The following SUGCT variants were observed in gnomAD, a reference collection of about 807,000 sequenced individuals.
SUGCT encodes succinyl-CoA:glutarate-CoA transferase, also known as succinyl-CoA:glutarate CoA-transferase.
A neutral mutation model predicts 55.0 loss-of-function variants in SUGCT; 41 were observed. The observed-to-expected ratio is 0.74, with a 90% CI of 0.58 to 0.97. SUGCT has a LOEUF of 0.97. Among genes scored for constraint, SUGCT ranks in the 50% least tolerant of loss-of-function variants. The probability of loss-of-function intolerance (pLI) is 0.00; values close to 1 mark genes in which losing one functional copy is unlikely to be tolerated. For missense variants in SUGCT, 568 were observed against 547.8 expected, an observed-to-expected ratio of 1.04 and a Z score of -0.37; for synonymous variants, 187 against 200.4, an observed-to-expected ratio of 0.93 and a Z score of 0.56.
intron 9 of SUGCT, among the ~76,000 whole-genome samples, chr7:40,360,480 G>T (rs1338637619): frequency 1.3e-5 from 2 of 152,116 alleles, no homozygotes; most frequent in African/African-American, 4.8e-5. Context: ...CAAGCGCTGG[G>T]TCTACAGTGA....
At chr7:41,017,768 C>T in the SUGCT span, among the ~76,000 whole-genome samples, 1 of 95,210 alleles carries the variant, frequency 1.1e-5, no homozygotes, top group African/African-American at 4.9e-5. Flanking sequence ...GAGAGTCCGT[C>T]TCAAAAAAAA....
intron 8 of SUGCT, among the ~76,000 whole-genome samples, chr7:40,277,710 T>C (rs1224606350): frequency 1.7e-5 from 1 of 59,464 alleles, no homozygotes; most frequent in Non-Finnish European, 3.7e-5. Flanking sequence ...TATTATACTT[T>C]AAGTTTTAGG....
chr7:40,146,948 CCTT>C (rs1355777186), intron 1 of SUGCT, among the ~76,000 whole-genome samples: 1 of 152,064 alleles, frequency 6.6e-6, no homozygotes, highest in Non-Finnish European at 1.5e-5. Flanking sequence ...CTATCTCTCT[CCTT>C]CTTTCTTCCT....
chr7:40,459,394 T>G (rs1466609637), intron 11 of SUGCT, among the ~76,000 whole-genome samples, 196 bp downstream of exon 11: 2 of 152,186 alleles, frequency 1.3e-5, no homozygotes, highest in East Asian at 3.8e-4. Flanking sequence ...TGAACACATT[T>G]TATGTTTTGT....
intron 9 of SUGCT, among the ~76,000 whole-genome samples, chr7:40,425,240 C>CT (rs1787528049): frequency 6.6e-6 from 1 of 152,072 alleles, no homozygotes; most frequent in South Asian, 2.1e-4. Flanking sequence ...TTAAATGTCT[C>CT]TAAGTGCATG....
At chr7:40,282,690 T>G (rs751407739) in intron 8 of SUGCT, among the ~76,000 whole-genome samples, 12 of 151,570 alleles carry the variant, frequency 7.9e-5, no homozygotes, top group Admixed American at 2.6e-4. Flanking sequence ...GCCACTATAA[T>G]GAGACCCTGT....
chr7:40,276,427 A>G (rs1792484191), intron 8 of SUGCT, among the ~76,000 whole-genome samples: 1 of 152,270 alleles, frequency 6.6e-6, no homozygotes, highest in Non-Finnish European at 1.5e-5. Context: ...GCTTAGTTAA[A>G]TGTTCTGCTG....
At chr7:40,517,736 ATGT>A (rs1014980139) in intron 12 of SUGCT, among the ~76,000 whole-genome samples, 1 of 152,010 alleles carries the variant, frequency 6.6e-6, no homozygotes, top group Non-Finnish European at 1.5e-5. Flanking sequence ...GAAGTGTTAC[ATGT>A]TGTTTTTAAT....
At chr7:40,906,024 A>G in the SUGCT span, among the ~76,000 whole-genome samples, 3 of 152,152 alleles carry the variant, frequency 2.0e-5, no homozygotes, top group Non-Finnish European at 4.4e-5. Context: ...GCACCCTGCC[A>G]TCATTTTAAC....
intron 9 of SUGCT, among the ~76,000 whole-genome samples, chr7:40,351,798 G>A (rs1219757637): frequency 2.0e-5 from 3 of 152,104 alleles, no homozygotes; most frequent in Non-Finnish European, 4.4e-5. Context: ...TGCTACTCTT[G>A]TATGGCTTTC....
intron 7 of SUGCT, among the ~76,000 whole-genome samples, chr7:40,249,819 C>T (rs1247636332): frequency 2.6e-5 from 4 of 152,070 alleles, no homozygotes; most frequent in African/African-American, 9.7e-5. Flanking sequence ...CAGAGTCTCA[C>T]TTTGTCGCCT....
intron 6 of SUGCT, among the ~76,000 whole-genome samples, chr7:40,234,946 T>C (rs1788928694): frequency 1.3e-5 from 2 of 151,700 alleles, no homozygotes; most frequent in South Asian, 4.2e-4. Flanking sequence ...AAAAAGATAA[T>C]GGTTTTATTT....
downstream of SUGCT, among the ~76,000 whole-genome samples, chr7:40,863,270 A>G (rs900272662): frequency 6.6e-6 from 1 of 152,130 alleles, no homozygotes; most frequent in African/African-American, 2.4e-5. Context: ...AGTTCATACC[A>G]GGACATTAGG....
At chr7:41,011,234 G>A in the SUGCT span, among the ~76,000 whole-genome samples, 4 of 152,132 alleles carry the variant, frequency 2.6e-5, no homozygotes, top group East Asian at 5.8e-4. Flanking sequence ...AGAGGGAGGC[G>A]GATAGAAGAA....
intron 7 of SUGCT, among the ~76,000 whole-genome samples, chr7:40,249,775 T>C (rs972492159): frequency 1.3e-5 from 2 of 152,104 alleles, no homozygotes; most frequent in African/African-American, 4.8e-5. Context: ...TTATTTATAC[T>C]TTATTTTAAT....
intron 4 of SUGCT, 49 bp downstream of exon 4, chr7:40,188,629 T>G: frequency 8.3e-7 from 1 of 1,204,770 alleles, no homozygotes; most frequent in Non-Finnish European, 1.2e-6. Flanking sequence ...TCTCTTATAA[T>G]AGCAAAACTG....
chr7:40,721,231 G>A (rs1274656407), intron 12 of SUGCT, among the ~76,000 whole-genome samples: 1 of 152,118 alleles, frequency 6.6e-6, no homozygotes, highest in Non-Finnish European at 1.5e-5. Context: ...TTTAAAGGAG[G>A]GGAAGGTGTA....
intron 12 of SUGCT, among the ~76,000 whole-genome samples, chr7:40,524,317 G>A (rs1388483958): frequency 6.6e-6 from 1 of 152,072 alleles, no homozygotes; most frequent in African/African-American, 2.4e-5. Flanking sequence ...AAGAATGCCT[G>A]TTTTTTAAAT....
intron 9 of SUGCT, among the ~76,000 whole-genome samples, chr7:40,328,672 G>C (rs1018321197): frequency 6.6e-5 from 10 of 152,130 alleles, no homozygotes; most frequent in Admixed American, 6.5e-4. Flanking sequence ...CGATCATCTT[G>C]TACTGAAGGA....
Sources: allele counts gnomAD v4.1 joint callset (sites outside exome capture counted in the v4.1 genomes callset), GRCh38; gene constraint gnomAD v4.1.1; transcripts MANE v1.5; gene names NCBI Gene and HGNC (gene_info 2026-07-23, HGNC 2026-07-21).